Variants in WDFY4 observed in about 807,000 individuals in gnomAD.
The protein encoded by WDFY4 is WD repeat- and FYVE domain-containing protein 4.
A neutral mutation model predicts 351.9 loss-of-function variants in WDFY4; 169 were observed. The observed-to-expected ratio is 0.48, with a 90% CI of 0.42 to 0.55. WDFY4 has a LOEUF of 0.55. Among genes scored for constraint, WDFY4 ranks in the 20% least tolerant of loss-of-function variants. The pLI is 0.00. For missense variants in WDFY4, 3,803 were observed against 3,935.6 expected, an observed-to-expected ratio of 0.97 and a Z score of 0.90; for synonymous variants, 1,622 against 1,574.6, an observed-to-expected ratio of 1.03 and a Z score of -0.71.
chr10:48,888,386 C>A (rs1230777586), intron 43 of WDFY4, among the ~76,000 whole-genome samples: 2 of 151,350 alleles, frequency 1.3e-5, no homozygotes, highest in Non-Finnish European at 2.9e-5. Context: ...AGTAGCAGCT[C>A]CTGTCAATTC....
At chr10:48,806,788 C>T (rs923949984) in intron 27 of WDFY4, among the ~76,000 whole-genome samples, 5 of 152,202 alleles carry the variant, frequency 3.3e-5, no homozygotes, top group Non-Finnish European at 4.4e-5. Context: ...CCCTAAGCCA[C>T]ATATAGCCAT....
chr10:48,790,556 A>G (rs2066643330), intron 22 of WDFY4, among the ~76,000 whole-genome samples, 171 bp from the exon 23 acceptor site: 1 of 152,188 alleles, frequency 6.6e-6, no homozygotes, highest in South Asian at 2.1e-4. Context: ...GCCATCTAAG[A>G]CTTTCAGAAC....
At chr10:48,799,975 T>A (rs894821940) in intron 24 of WDFY4, among the ~76,000 whole-genome samples, 1 of 152,110 alleles carries the variant, frequency 6.6e-6, no homozygotes, top group African/African-American at 2.4e-5. Flanking sequence ...AACCTCTGTC[T>A]CATGGGTTCA....
intron 25 of WDFY4, 43 bp from the exon 26 acceptor site, chr10:48,805,217 A>T (rs2067212379): frequency 1.3e-6 from 2 of 1,517,264 alleles, no homozygotes; most frequent in African/African-American, 2.8e-5. Context: ...AATTTGGTTC[A>T]TTCCAGTAAA....
intron 51 of WDFY4, among the ~76,000 whole-genome samples, chr10:48,952,498 C>T (rs1378744402): frequency 1.3e-5 from 2 of 152,222 alleles, no homozygotes; most frequent in African/African-American, 4.8e-5. Context: ...TAGAGACAGA[C>T]AGTCCCGGGA....
intron 2 of WDFY4, among the ~76,000 whole-genome samples, chr10:48,713,011 G>T (rs928359146): frequency 6.6e-6 from 1 of 152,182 alleles, no homozygotes; most frequent in Non-Finnish European, 1.5e-5. Context: ...TTGGCCCAAA[G>T]AAAATTAATT....
At chr10:48,805,114 G>T in intron 25 of WDFY4, 146 bp from the exon 26 acceptor site, 1 of 982,028 alleles carries the variant, frequency 1.0e-6, no homozygotes, top group South Asian at 1.7e-5. Flanking sequence ...ATGGGTGTCT[G>T]ACGGCATCTT....
intron 51 of WDFY4, among the ~76,000 whole-genome samples, chr10:48,955,710 G>A (rs1302555166): frequency 6.6e-6 from 1 of 152,220 alleles, no homozygotes; most frequent in Non-Finnish European, 1.5e-5. Context: ...GATCATCTGA[G>A]CATGGACCAG....
intron 47 of WDFY4, among the ~76,000 whole-genome samples, chr10:48,911,886 A>T (rs1838038463): frequency 1.3e-5 from 2 of 152,250 alleles, no homozygotes; most frequent in East Asian, 3.8e-4. Context: ...GTCATAGCTA[A>T]GCATTACAAG....
intron 18 of WDFY4, 26 bp from the exon 19 acceptor site, chr10:48,779,915 G>T (rs1372961446): frequency 1.3e-6 from 2 of 1,550,576 alleles, no homozygotes; most frequent in African/African-American, 2.7e-5. Flanking sequence ...CCACACGTGA[G>T]ACTCAGTGTT....
At chr10:48,748,677 A>T (rs1183805644) in intron 12 of WDFY4, among the ~76,000 whole-genome samples, 1 of 152,168 alleles carries the variant, frequency 6.6e-6, no homozygotes, top group African/African-American at 2.4e-5. Context: ...TGTTTCATAA[A>T]TAGAGCATTT....
At chr10:48,690,627 G>A (rs1471213052) in intron 1 of WDFY4, among the ~76,000 whole-genome samples, 4 of 152,078 alleles carry the variant, frequency 2.6e-5, no homozygotes, top group Non-Finnish European at 4.4e-5. Context: ...CTCTGCAGCT[G>A]GTTGTCCCTA....
At chr10:48,824,230 A>G in intron 35 of WDFY4, 1 of 976,380 alleles carries the variant, frequency 1.0e-6, no homozygotes, top group Non-Finnish European at 1.2e-6. Context: ...CCCTTGCTGA[A>G]CCACCCAGCC....
At chr10:48,771,789 G>A (rs1053270187) in intron 13 of WDFY4, among the ~76,000 whole-genome samples, 4 of 152,148 alleles carry the variant, frequency 2.6e-5, no homozygotes, top group Non-Finnish European at 5.9e-5. Flanking sequence ...ATCTTTAAAC[G>A]CCTAGAGCTT....
intron 53 of WDFY4, 85 bp downstream of exon 53, chr10:48,959,898 G>T: frequency 7.8e-7 from 1 of 1,277,634 alleles, no homozygotes. Context: ...CCAAGTGGAG[G>T]GCCAGTGACC....
chr10:48,866,881 C>T (rs1339435506), intron 39 of WDFY4, among the ~76,000 whole-genome samples: 1 of 152,112 alleles, frequency 6.6e-6, no homozygotes, highest in Admixed American at 6.6e-5. Flanking sequence ...TAGAGACGTT[C>T]TTATCTAAAA....
At chr10:48,885,222 G>A (rs1181876669) in intron 43 of WDFY4, among the ~76,000 whole-genome samples, 1 of 152,152 alleles carries the variant, frequency 6.6e-6, no homozygotes, top group Non-Finnish European at 1.5e-5. Flanking sequence ...TGGGGATGTA[G>A]CCTGGGAATA....
At chr10:48,847,345 C>T (rs2068810315) in intron 39 of WDFY4, among the ~76,000 whole-genome samples, 1 of 152,172 alleles carries the variant, frequency 6.6e-6, no homozygotes. Context: ...TTGTCACATT[C>T]TGAGGTACTA....
intron 58 of WDFY4, among the ~76,000 whole-genome samples, chr10:48,976,007 G>A (rs1842552840): frequency 6.6e-6 from 1 of 152,150 alleles, no homozygotes; most frequent in Non-Finnish European, 1.5e-5. Context: ...GAGAAGCCTG[G>A]CACCAGGACA....
Sources: allele counts gnomAD v4.1 joint callset (sites outside exome capture counted in the v4.1 genomes callset), GRCh38; gene constraint gnomAD v4.1.1; transcripts MANE v1.5; gene names NCBI Gene and HGNC (gene_info 2026-07-23, HGNC 2026-07-21).